GRM8: variants seen among roughly 807,000 people sequenced by gnomAD.
The protein encoded by GRM8 is glutamate metabotropic receptor 8.
Under a neutral mutation model 87.2 loss-of-function variants are expected in GRM8, and 47 were observed. That is an observed-to-expected ratio of 0.54 (90% CI 0.43 to 0.69). The LOEUF is 0.69. Among genes scored for constraint, GRM8 ranks in the 30% least tolerant of loss-of-function variants. GRM8 has a pLI of 0.00. For synonymous variants in GRM8, 396 were observed against 404.5 expected, an observed-to-expected ratio of 0.98 and a Z score of 0.25; for missense variants, 1,019 against 1,139.2, an observed-to-expected ratio of 0.89 and a Z score of 1.52.
At chr7:126,439,652 G>A (rs1284501043) in intron 10 of GRM8, among the ~76,000 whole-genome samples, 2 of 152,010 alleles carry the variant, frequency 1.3e-5, no homozygotes, top group Non-Finnish European at 2.9e-5. Flanking sequence ...ACATTATAAA[G>A]TTAACTGTAA....
chr7:126,603,449 A>T (rs556325366), intron 8 of GRM8, among the ~76,000 whole-genome samples: 5 of 151,344 alleles, frequency 3.3e-5, no homozygotes, highest in Non-Finnish European at 5.9e-5. Flanking sequence ...TCAAATTGTC[A>T]CTGTTTGCAG....
chr7:126,814,099 A>C (rs1374817941), intron 6 of GRM8, among the ~76,000 whole-genome samples: 1 of 152,066 alleles, frequency 6.6e-6, no homozygotes, highest in African/African-American at 2.4e-5. Flanking sequence ...TGAACTGGTA[A>C]CTGGAAGGCC....
intron 7 of GRM8, among the ~76,000 whole-genome samples, chr7:126,618,359 C>T (rs1164640169): frequency 6.6e-6 from 1 of 152,146 alleles, no homozygotes; most frequent in Non-Finnish European, 1.5e-5. Context: ...TTCCTTACAC[C>T]TTATACAAAA....
At chr7:127,129,741 G>A (rs1408369397) in intron 2 of GRM8, among the ~76,000 whole-genome samples, 1 of 152,156 alleles carries the variant, frequency 6.6e-6, no homozygotes, top group Non-Finnish European at 1.5e-5. Context: ...TCACAGTAGA[G>A]ATTCTTTACT....
chr7:126,977,010 T>A (rs1007319133), intron 3 of GRM8, among the ~76,000 whole-genome samples: 2 of 152,150 alleles, frequency 1.3e-5, no homozygotes, highest in Non-Finnish European at 2.9e-5. Flanking sequence ...ATTCTGTCCA[T>A]CACTGTTGTA....
chr7:126,735,649 ATTAT>A lies in GRM8; in HGVS notation c.1357+34212_1357+34215del, dbSNP rs1005106926. Reference sequence around the variant, plus strand: ...CATGTTGTTACCGAGATTAAGATAAATTATTTATTTTTTCAGAATGAAAAGCTAT... The same window carrying A: ...CATGTTGTTACCGAGATTAAGATAAATTATTTTTTCAGAATGAAAAGCTAT... On this transcript the variant is annotated intron_variant, in intron 7 of 10. Transcript: ENST00000339582. Among the ~76,000 whole-genome samples the A allele has an allele frequency of 2.4e-3, 359 of 152,224 alleles. 3 individuals are homozygous for A. The highest frequency in any genetic ancestry group is 8.3e-3 in the African/African-American group (343 of 41,558).
chr7:126,912,473 A>G (rs1385033517), intron 3 of GRM8, among the ~76,000 whole-genome samples: 1 of 152,232 alleles, frequency 6.6e-6, no homozygotes, highest in African/African-American at 2.4e-5. Context: ...AGAAGATTGT[A>G]AAACTTTTCA....
At chr7:126,638,290 A>G (rs1802052032) in intron 7 of GRM8, among the ~76,000 whole-genome samples, 3 of 152,156 alleles carry the variant, frequency 2.0e-5, no homozygotes, top group Non-Finnish European at 2.9e-5. Context: ...AAAGAAGGGG[A>G]GCATCTTGTA....
At chr7:127,105,896 A>T (rs539774687) in intron 3 of GRM8, among the ~76,000 whole-genome samples, 1 of 152,280 alleles carries the variant, frequency 6.6e-6, no homozygotes, top group South Asian at 2.1e-4. Context: ...TTGGATAAGC[A>T]CCTTGAAAAA....
intron 6 of GRM8, among the ~76,000 whole-genome samples, chr7:126,837,514 C>T (rs1795913971): frequency 6.6e-6 from 1 of 152,194 alleles, no homozygotes; most frequent in Admixed American, 6.5e-5. Flanking sequence ...GACTTACTGT[C>T]TAAGTTATTT....
intron 9 of GRM8, among the ~76,000 whole-genome samples, chr7:126,491,180 C>G (rs1190437963): frequency 6.6e-6 from 1 of 152,044 alleles, no homozygotes; most frequent in Non-Finnish European, 1.5e-5. Flanking sequence ...AAAATAAGCA[C>G]TGTTCTACAA....
At chr7:126,507,895 C>A (rs1292474842) in intron 9 of GRM8, among the ~76,000 whole-genome samples, 1 of 151,958 alleles carries the variant, frequency 6.6e-6, no homozygotes. Flanking sequence ...ACAACAACTC[C>A]ATTTCTATTA....
intron 6 of GRM8, among the ~76,000 whole-genome samples, chr7:126,885,027 C>T (rs1800359949): frequency 6.6e-6 from 1 of 152,156 alleles, no homozygotes; most frequent in South Asian, 2.1e-4. Flanking sequence ...AAAGTCCTGT[C>T]CTGTGCACAG....
intron 7 of GRM8, among the ~76,000 whole-genome samples, chr7:126,704,858 A>C (rs1422856927): frequency 1.3e-5 from 2 of 152,022 alleles, no homozygotes; most frequent in Non-Finnish European, 2.9e-5. Context: ...TTTTAATTTC[A>C]CCCCGTCCTG....
rs561663370 is a variant in GRM8, at chr7:126,914,328, A to G, written c.728-9645T>C. ...ACTTACACACTGTTGGTGGGAATGT[A>G]AATTAGTTCAGCCACTGTGGAAAGC... is the stretch of plus-strand genomic sequence containing the variant. On this transcript the variant is annotated intron_variant, in intron 3 of 10. Transcript: ENST00000339582. Among the ~76,000 whole-genome samples, 28 of 152,336 alleles carry G rather than the reference A, an allele frequency of 1.8e-4. No homozygotes were observed. In the South Asian group the frequency reaches 5.8e-3, roughly 32 times the overall value.
chr7:127,223,297 T>C (rs1404516400), intron 2 of GRM8, among the ~76,000 whole-genome samples: 1 of 151,848 alleles, frequency 6.6e-6, no homozygotes, highest in Non-Finnish European at 1.5e-5. Context: ...CCAATACACA[T>C]AGACCAAAAA....
intron 2 of GRM8, among the ~76,000 whole-genome samples, chr7:127,169,720 C>T (rs1012829284): frequency 2.6e-5 from 4 of 152,290 alleles, no homozygotes; most frequent in African/African-American, 9.6e-5. Context: ...GAAGCCAATG[C>T]TCATTGACTG....
chr7:126,628,058 T>C (rs527678847), intron 7 of GRM8, among the ~76,000 whole-genome samples: 1 of 152,298 alleles, frequency 6.6e-6, no homozygotes. Context: ...TCTTTTTTTT[T>C]GTTCGAGACA....
intron 6 of GRM8, among the ~76,000 whole-genome samples, chr7:126,771,323 C>T (rs1452633951): frequency 6.6e-6 from 1 of 150,982 alleles, no homozygotes; most frequent in Non-Finnish European, 1.5e-5. Context: ...TTTTGTTCTT[C>T]CTCTGGTCTT....
Sources: gnomAD v4.1 joint callset for allele counts (sites outside exome capture counted in the v4.1 genomes callset) on GRCh38, gnomAD v4.1.1 for gene constraint, MANE v1.5 for transcripts, NCBI Gene and HGNC (gene_info 2026-07-23, HGNC 2026-07-21) for gene names.